NUP93: variants seen among roughly 807,000 people sequenced by gnomAD.
The protein encoded by NUP93 is nucleoporin 93.
A neutral mutation model predicts 107.8 loss-of-function variants in NUP93; 55 were observed. The observed-to-expected ratio is 0.51, with a 90% CI of 0.41 to 0.64. NUP93 has a LOEUF of 0.64. Ranked by LOEUF, NUP93 falls within the 30% of genes least tolerant of loss-of-function variation. The pLI is 0.00. For missense variants in NUP93, 937 were observed against 1,044.7 expected (o/e 0.90, Z 1.42); for synonymous variants, 390 against 397.5 (o/e 0.98, Z 0.22).
At chr16:56,770,905 A>AT (rs1281465276) in intron 3 of NUP93, among the ~76,000 whole-genome samples, 9 of 142,686 alleles carry the variant, frequency 6.3e-5, no homozygotes, top group Non-Finnish European at 1.3e-4. Flanking sequence ...CTACTGAAAA[A>AT]TTAAAAAAAA....
chr16:56,731,898 A>AG (rs1156604627), intron 1 of NUP93, among the ~76,000 whole-genome samples: 11 of 148,634 alleles, frequency 7.4e-5, no homozygotes, highest in Admixed American at 6.0e-4. Flanking sequence ...TACTTAAAAG[A>AG]AAAAAAAAAC....
chr16:56,758,709 C>A, intron 3 of NUP93, 54 bp downstream of exon 3: 1 of 1,238,530 alleles, frequency 8.1e-7, no homozygotes, highest in Non-Finnish European at 1.2e-6. Context: ...AGGCTGAAGA[C>A]CCTGGCCCTT....
intron 1 of NUP93, among the ~76,000 whole-genome samples, chr16:56,743,440 T>C (rs1391899501): frequency 6.6e-6 from 1 of 152,200 alleles, no homozygotes; most frequent in Non-Finnish European, 1.5e-5. Context: ...ACTTTTTTCA[T>C]TTAGTTAATT....
At chr16:56,811,023 A>G (rs1963304277) in intron 5 of NUP93, among the ~76,000 whole-genome samples, 1 of 152,168 alleles carries the variant, frequency 6.6e-6, no homozygotes, top group Non-Finnish European at 1.5e-5. Flanking sequence ...CCATTCTAGT[A>G]TTGGTGAACC....
At chr16:56,731,597 G>A (rs986482095) in intron 1 of NUP93, among the ~76,000 whole-genome samples, 1 of 151,838 alleles carries the variant, frequency 6.6e-6, no homozygotes, top group Non-Finnish European at 1.5e-5. Context: ...TAGTAGAGAC[G>A]GGATTTCACC....
At chr16:56,793,726 G>A (rs1368337386) in intron 3 of NUP93, among the ~76,000 whole-genome samples, 1 of 152,078 alleles carries the variant, frequency 6.6e-6, no homozygotes, top group East Asian at 1.9e-4. Flanking sequence ...TCCTTGAGGT[G>A]TGGGTTATTT....
intron 17 of NUP93, 115 bp from the exon 18 acceptor site, chr16:56,837,493 G>A (rs1013145507): frequency 2.6e-6 from 2 of 761,310 alleles, no homozygotes; most frequent in Non-Finnish European, 4.4e-6. Flanking sequence ...AACTTGGGAG[G>A]CGGTAAAAAA....
intron 2 of NUP93, among the ~76,000 whole-genome samples, chr16:56,755,164 C>G (rs78038732): frequency 0.1 from 15,226 of 152,170 alleles, 946 homozygotes; most frequent in Middle Eastern, 0.24. Context: ...AATGTATACT[C>G]ACACAAAAAC....
chr16:56,754,602 C>A (rs1224746046), intron 2 of NUP93, among the ~76,000 whole-genome samples: 4 of 152,250 alleles, frequency 2.6e-5, no homozygotes, highest in African/African-American at 9.6e-5. Context: ...TGCTTTGGCT[C>A]TGCAGGGTAC....
At chr16:56,806,391 G>A (rs1963140517) in intron 5 of NUP93, among the ~76,000 whole-genome samples, 1 of 151,952 alleles carries the variant, frequency 6.6e-6, no homozygotes, top group South Asian at 2.1e-4. Flanking sequence ...TTGGATTATT[G>A]AACTTGGCCT....
rs543186878 is a variant in NUP93, at chr16:56,774,906, T to G, written c.297+16251T>G. ...GGTTTTTTTTGTTTTTGTTTTTGTT[T>G]TTTTTTTTTTTGAGACAGAGTCTCG... On this transcript the variant is annotated intron_variant, in intron 3 of 21. Transcript: ENST00000308159. 5.3e-5 allele frequency among the ~76,000 whole-genome samples: 8 copies of G among 151,326 alleles called. No individual in the cohort carries two copies. The South Asian group carries it at 1.0e-3, about 20-fold the overall frequency.
At chr16:56,768,610 G>A (rs1962259066) in intron 3 of NUP93, among the ~76,000 whole-genome samples, 2 of 151,430 alleles carry the variant, frequency 1.3e-5, no homozygotes, top group African/African-American at 2.4e-5. Flanking sequence ...GCTCACGCCT[G>A]TAATCCCAGC....
chr16:56,829,144 C>A (rs748875241), intron 9 of NUP93, 35 bp downstream of exon 9: 2 of 1,593,510 alleles, frequency 1.3e-6, no homozygotes, highest in Admixed American at 1.8e-5. Flanking sequence ...TCAGTTACAC[C>A]CCCAGAGCAG....
intron 2 of NUP93, among the ~76,000 whole-genome samples, chr16:56,754,275 A>G (rs1342903831): frequency 1.3e-5 from 2 of 152,184 alleles, no homozygotes; most frequent in African/African-American, 4.8e-5. Flanking sequence ...ACAGTTCGAC[A>G]TGAGATTTGG....
chr16:56,776,688 A>T (rs1332811795), intron 3 of NUP93, among the ~76,000 whole-genome samples: 1 of 152,268 alleles, frequency 6.6e-6, no homozygotes, highest in Non-Finnish European at 1.5e-5. Context: ...CCATGTAATG[A>T]CTTAAAATTC....
intron 1 of NUP93, among the ~76,000 whole-genome samples, chr16:56,739,794 G>A (rs1309755092): frequency 4.6e-5 from 4 of 86,096 alleles, no homozygotes; most frequent in Non-Finnish European, 9.2e-5. Context: ...CAGTAGGGGC[G>A]GCCGGGCAGA....
intron 3 of NUP93, among the ~76,000 whole-genome samples, chr16:56,760,632 G>T (rs1962108141): frequency 6.6e-6 from 1 of 152,090 alleles, no homozygotes; most frequent in African/African-American, 2.4e-5. Context: ...CTGTCATGAG[G>T]ACAGCACCAA....
intron 7 of NUP93, among the ~76,000 whole-genome samples, 192 bp from the exon 8 acceptor site, chr16:56,823,515 G>C (rs1259962014): frequency 6.6e-6 from 1 of 152,152 alleles, no homozygotes; most frequent in African/African-American, 2.4e-5. Flanking sequence ...GCTCATCGGT[G>C]GATGGAACTC....
intron 3 of NUP93, among the ~76,000 whole-genome samples, chr16:56,769,441 G>A (rs1962280033): frequency 6.6e-6 from 1 of 152,090 alleles, no homozygotes; most frequent in Non-Finnish European, 1.5e-5. Flanking sequence ...TGGTTGAGGG[G>A]CATTCAGTTT....
Sources: gnomAD v4.1 joint callset for allele counts (sites outside exome capture counted in the v4.1 genomes callset) on GRCh38, gnomAD v4.1.1 for gene constraint, MANE v1.5 for transcripts, NCBI Gene and HGNC (gene_info 2026-07-23, HGNC 2026-07-21) for gene names.